Variants in DLG2 observed in about 807,000 individuals in gnomAD.
DLG2 encodes disks large homolog 2.
DLG2 carries 45 observed loss-of-function variants against 132.5 expected under a neutral mutation model. The observed-to-expected ratio is 0.34, with a 90% CI of 0.27 to 0.44. The LOEUF (loss-of-function observed/expected upper bound fraction) is 0.44. Ranked by LOEUF, DLG2 falls within the 20% of genes least tolerant of loss-of-function variation. DLG2 has a pLI of 1.00. For synonymous variants in DLG2, 424 were observed against 419.6 expected, an observed-to-expected ratio of 1.01 and a Z score of -0.13; for missense variants, 1,045 against 1,196.9, an observed-to-expected ratio of 0.87 and a Z score of 1.87.
chr11:84,142,872 G>A (rs566292963), intron 9 of DLG2, among the ~76,000 whole-genome samples: 3 of 152,026 alleles, frequency 2.0e-5, no homozygotes, highest in Non-Finnish European at 4.4e-5. Flanking sequence ...ATTGCAGATG[G>A]CAGATTGTGT....
chr11:84,190,092 T>C (rs954853123), intron 8 of DLG2, among the ~76,000 whole-genome samples: 2 of 151,588 alleles, frequency 1.3e-5, no homozygotes, highest in Non-Finnish European at 2.9e-5. Context: ...AGAAGACACA[T>C]ATAGCCCTGT....
intron 6 of DLG2, among the ~76,000 whole-genome samples, chr11:84,596,391 T>C (rs57320142): frequency 0.14 from 21,626 of 150,740 alleles, 1,627 homozygotes; most frequent in South Asian, 0.21. Context: ...TTTTTTTTTT[T>C]TTTTTTTTAG....
intron 8 of DLG2, among the ~76,000 whole-genome samples, chr11:84,173,461 A>T (rs1173123306): frequency 6.6e-6 from 1 of 152,208 alleles, no homozygotes; most frequent in Admixed American, 6.5e-5. Context: ...TATGCAAATC[A>T]TGTGGTCATT....
intron 3 of DLG2, among the ~76,000 whole-genome samples, chr11:85,384,477 A>T (rs1025457784): frequency 6.6e-6 from 1 of 152,240 alleles, no homozygotes; most frequent in African/African-American, 2.4e-5. Context: ...ACTTGAGCAT[A>T]GGCTTTAGAG....
chr11:85,466,171 A>G (rs1597585634), intron 3 of DLG2, among the ~76,000 whole-genome samples: 1 of 152,064 alleles, frequency 6.6e-6, no homozygotes, highest in East Asian at 1.9e-4. Context: ...TTTTCTTGTA[A>G]ATTTGTTGGA....
intron 19 of DLG2, among the ~76,000 whole-genome samples, chr11:83,550,225 C>T (rs61902066): frequency 0.3 from 46,160 of 152,006 alleles, 7,341 homozygotes; most frequent in Middle Eastern, 0.43. Flanking sequence ...CAACCAGAAG[C>T]CCTTACAGGT....
At chr11:84,224,252 C>T (rs2096958368) in intron 8 of DLG2, among the ~76,000 whole-genome samples, 1 of 152,192 alleles carries the variant, frequency 6.6e-6, no homozygotes, top group Admixed American at 6.5e-5. Flanking sequence ...GAAGTTGCAT[C>T]AGTGAGAAGC....
At chr11:84,019,398 G>C (rs1049929163) in intron 11 of DLG2, among the ~76,000 whole-genome samples, 3 of 152,096 alleles carry the variant, frequency 2.0e-5, no homozygotes, top group Admixed American at 1.3e-4. Flanking sequence ...GAATGAACTA[G>C]AAGGGTGAAA....
rs187485420 is a variant in DLG2, at chr11:84,798,298, T to C, written c.358-263567A>G. On this transcript the variant is annotated intron_variant, in intron 6 of 27. Transcript: ENST00000376104. ...TAGGCTCAAGAAGTTTCAGTGATGC[T>C]ATCTGAAAGCCAGGGACTGAAGTAA... 2.0e-5 allele frequency among the ~76,000 whole-genome samples: 3 copies of C among 152,174 alleles called. No individual in the cohort carries two copies. The East Asian group carries it at 5.8e-4, about 29-fold the overall frequency.
At chr11:85,342,566 C>T (rs2082572546) in intron 3 of DLG2, among the ~76,000 whole-genome samples, 2 of 152,126 alleles carry the variant, frequency 1.3e-5, no homozygotes. Context: ...GGAGTACACT[C>T]TAAAAAATGA....
chr11:83,965,236 G>A (rs1453803464), intron 13 of DLG2, 88 bp downstream of exon 13: 84 of 1,374,440 alleles, frequency 6.1e-5, no homozygotes, highest in Non-Finnish European at 8.1e-5. Flanking sequence ...CAAGAGGGAA[G>A]GTACAAGTAG....
chr11:84,418,821 A>T (rs571512645), intron 7 of DLG2, among the ~76,000 whole-genome samples: 2 of 152,286 alleles, frequency 1.3e-5, no homozygotes, highest in South Asian at 4.1e-4. Flanking sequence ...TCACCCTGGA[A>T]TGCTGTCCTA....
chr11:84,435,815 C>T (rs934653653), intron 7 of DLG2, among the ~76,000 whole-genome samples: 3 of 152,008 alleles, frequency 2.0e-5, no homozygotes, highest in Non-Finnish European at 4.4e-5. Context: ...CTGCTATTTC[C>T]TACATTTGGG....
chr11:84,048,783 C>T (rs1011467615), intron 11 of DLG2, among the ~76,000 whole-genome samples: 1 of 151,466 alleles, frequency 6.6e-6, no homozygotes, highest in East Asian at 1.9e-4. Context: ...CCTTTGCTAA[C>T]CTAAACATCT....
At chr11:83,814,594 C>T (rs949557460) in intron 17 of DLG2, 6 of 171,240 alleles carry the variant, frequency 3.5e-5, no homozygotes, top group African/African-American at 1.4e-4. Flanking sequence ...CTGAAGAATA[C>T]ATCATTCATT....
At chr11:84,322,294 A>G (rs2098409212) in intron 7 of DLG2, among the ~76,000 whole-genome samples, 1 of 152,232 alleles carries the variant, frequency 6.6e-6, no homozygotes, top group Non-Finnish European at 1.5e-5. Flanking sequence ...AGTATGGATT[A>G]GTGGCATAAG....
chr11:84,280,867 A>ATTTTTTTTTTTTTTT (rs35970331), intron 7 of DLG2, among the ~76,000 whole-genome samples: 2 of 67,708 alleles, frequency 3.0e-5, no homozygotes, highest in Non-Finnish European at 2.6e-5. Context: ...TGCCCAGCCA[A>ATTTTTTTTTTTTTTT]TTTTTTTTTT....
chr11:84,984,801 T>G (rs1168590484), intron 6 of DLG2, among the ~76,000 whole-genome samples: 6 of 152,148 alleles, frequency 3.9e-5, no homozygotes, highest in Non-Finnish European at 8.8e-5. Context: ...AGACATTCCA[T>G]GCAAATTGAC....
chr11:85,336,943 A>G (rs2082175219), intron 3 of DLG2, among the ~76,000 whole-genome samples: 1 of 152,226 alleles, frequency 6.6e-6, no homozygotes, highest in Non-Finnish European at 1.5e-5. Context: ...TACTGGCTTT[A>G]GGAAGTACTG....
Sources: gnomAD v4.1 joint callset for allele counts (sites outside exome capture counted in the v4.1 genomes callset) on GRCh38, gnomAD v4.1.1 for gene constraint, MANE v1.5 for transcripts, NCBI Gene and HGNC (gene_info 2026-07-23, HGNC 2026-07-21) for gene names.